The following WDR72 variants were observed in gnomAD, a reference collection of about 807,000 sequenced individuals.
WDR72 encodes WD repeat-containing protein 72.
A neutral mutation model predicts 124.2 loss-of-function variants in WDR72; 120 were observed. That is an observed-to-expected ratio of 0.97 (90% CI 0.83 to 1.12). WDR72 has a LOEUF of 1.12. Ranked by LOEUF, WDR72 falls within the 50% of genes most tolerant of loss-of-function variation. The probability of loss-of-function intolerance (pLI) is 0.00; values close to 1 mark genes in which losing one functional copy is unlikely to be tolerated. For synonymous variants in WDR72, 452 were observed against 441.7 expected, an observed-to-expected ratio of 1.02 and a Z score of -0.29; for missense variants, 1,387 against 1,278.8, an observed-to-expected ratio of 1.08 and a Z score of -1.29.
chr15:53,528,523 T>C (rs945894393), intron 18 of WDR72, among the ~76,000 whole-genome samples: 1 of 152,106 alleles, frequency 6.6e-6, no homozygotes, highest in Non-Finnish European at 1.5e-5. Flanking sequence ...GAATATTATT[T>C]TGTGGGTAGC....
At chr15:53,743,941 GCCCGGCCT>G (rs1397904657) in intron 1 of WDR72, among the ~76,000 whole-genome samples, 5 of 148,968 alleles carry the variant, frequency 3.4e-5, no homozygotes, top group Non-Finnish European at 5.9e-5. Context: ...CGCCACTGCA[GCCCGGCCT>G]GGGCGACAGA....
intron 13 of WDR72, among the ~76,000 whole-genome samples, chr15:53,668,277 T>C (rs768234309): frequency 9.2e-5 from 14 of 152,208 alleles, no homozygotes; most frequent in African/African-American, 4.8e-5. Flanking sequence ...GATTAAGGCA[T>C]ACACATGACA....
At chr15:53,528,256 C>G (rs1892236168) in intron 18 of WDR72, among the ~76,000 whole-genome samples, 1 of 152,050 alleles carries the variant, frequency 6.6e-6, no homozygotes, top group African/African-American at 2.4e-5. Flanking sequence ...TTAAGAGTAT[C>G]TATTCAGATA....
chr15:53,552,128 A>ATGTGTGTGTGTG (rs34039658), intron 18 of WDR72, among the ~76,000 whole-genome samples: 3 of 149,848 alleles, frequency 2.0e-5, no homozygotes, highest in Admixed American at 6.6e-5. Context: ...TATACCTATC[A>ATGTGTGTGTGTG]TGTGTGTGTG....
Position 53,615,915 on chromosome 15 carries a change from T to A in WDR72, c.2291A>T (p.Asp764Val), listed in dbSNP as rs752110952. The A allele has an allele frequency of 1.9e-6, 3 of 1,613,418 alleles. No homozygotes were observed. Among genetic ancestry groups the A allele is most frequent in the East Asian group, 4.5e-5 (2 of 44,876 alleles). ...CATTTTCTTCTGCCTTTTAATGCCA[T>A]CATTTTCTTCTGAGAATTTGATGGT... ...DNTIKFSEEN[D>V]GIKRQKKMKI... Residue 764 changes from aspartate to valine, a missense_variant, in exon 15 of 20, where the codon GAT becomes GTT. By Grantham distance (152) the Asp-to-Val change is radical. Coordinates refer to ENST00000360509, the MANE Select transcript of WDR72 (RefSeq NM_182758.4).
intron 17 of WDR72, among the ~76,000 whole-genome samples, chr15:53,604,461 A>G (rs770344144): frequency 1.3e-5 from 2 of 152,258 alleles, no homozygotes; most frequent in Non-Finnish European, 2.9e-5. Context: ...CAACTGCAAC[A>G]AAAGCAAACA....
chr15:53,683,986 T>A (rs2016499178), intron 13 of WDR72, among the ~76,000 whole-genome samples: 4 of 152,134 alleles, frequency 2.6e-5, no homozygotes, highest in African/African-American at 4.8e-5. Flanking sequence ...TTTCCAATAA[T>A]AATTTAACAT....
intron 1 of WDR72, among the ~76,000 whole-genome samples, chr15:53,758,765 C>T (rs1319510543): frequency 1.4e-4 from 1 of 7,000 alleles, no homozygotes; most frequent in Non-Finnish European, 3.3e-4. Context: ...TAACACAAAA[C>T]TGCGGGGGGG....
intron 18 of WDR72, among the ~76,000 whole-genome samples, chr15:53,552,351 G>T: frequency 6.6e-6 from 1 of 152,028 alleles, no homozygotes; most frequent in Admixed American, 6.6e-5. Context: ...TTCAATATAT[G>T]CAGTGTCACA....
chr15:53,538,490 G>C (rs1261060000), intron 18 of WDR72, among the ~76,000 whole-genome samples: 3 of 152,158 alleles, frequency 2.0e-5, no homozygotes, highest in Non-Finnish European at 4.4e-5. Context: ...CTAACACACA[G>C]AAATAGTGGT....
At chr15:53,714,196 T>A (rs2017638110) in intron 6 of WDR72, among the ~76,000 whole-genome samples, 1 of 151,714 alleles carries the variant, frequency 6.6e-6, no homozygotes, top group Admixed American at 6.6e-5. Flanking sequence ...TGTGTGTGTG[T>A]GTGTGTGTAA....
intron 13 of WDR72, among the ~76,000 whole-genome samples, chr15:53,674,281 T>TAA (rs2016090323): frequency 1.3e-5 from 2 of 152,100 alleles, no homozygotes; most frequent in Admixed American, 6.5e-5. Context: ...AAAAGTCAGG[T>TAA]TTCAACAAAA....
chr15:53,710,975 C>G, intron 8 of WDR72, 22 bp from the exon 9 acceptor site: 1 of 1,598,240 alleles, frequency 6.3e-7, no homozygotes, highest in Admixed American at 1.7e-5. Flanking sequence ...AAATAAAAAG[C>G]AAAGTTTAGA....
At chr15:53,645,529 T>C (rs1242064969) in intron 14 of WDR72, among the ~76,000 whole-genome samples, 2 of 152,140 alleles carry the variant, frequency 1.3e-5, no homozygotes, top group Admixed American at 6.6e-5. Flanking sequence ...TAAACCGTTA[T>C]AAAATGAAGG....
intron 16 of WDR72, among the ~76,000 whole-genome samples, chr15:53,611,573 C>A (rs1367150404): frequency 3.3e-5 from 5 of 151,932 alleles, no homozygotes; most frequent in African/African-American, 4.8e-5. Flanking sequence ...AGGAGGCAAC[C>A]CAGACTGGGG....
At chr15:53,572,383 A>T (rs1036932703) in intron 18 of WDR72, among the ~76,000 whole-genome samples, 1 of 151,202 alleles carries the variant, frequency 6.6e-6, no homozygotes, top group Non-Finnish European at 1.5e-5. Context: ...ATCCAATTTG[A>T]GTTGATTTTT....
At chr15:53,726,460 A>T (rs2018042233) in intron 2 of WDR72, among the ~76,000 whole-genome samples, 3 of 151,924 alleles carry the variant, frequency 2.0e-5, no homozygotes, top group African/African-American at 7.3e-5. Flanking sequence ...ATACTTTTTA[A>T]AAATATCTTA....
chr15:53,699,943 T>A lies in WDR72; in HGVS notation c.1572A>T (p.Leu524=). Residue 524 remains leucine, a splice_region_variant and synonymous_variant, in exon 13 of 20, where the codon CTA becomes CTT. Transcript: ENST00000360509. ...CACAGCAAATTATCTGCTCACCCCT[T>A]AGCTGTGAAAAAACAACATGCTTAT... ...SLLMSPEKFK[L]RGEQIICCVC... is the part of the protein sequence containing the mutation. 1.2e-6 allele frequency: 2 copies of A among 1,614,150 alleles called. No individual in the cohort carries two copies. Among genetic ancestry groups the A allele is most frequent in the South Asian group, 2.2e-5 (2 of 91,084 alleles).
chr15:53,524,131 G>A (rs2140213969), intron 18 of WDR72, among the ~76,000 whole-genome samples: 1 of 152,118 alleles, frequency 6.6e-6, no homozygotes, highest in South Asian at 2.1e-4. Context: ...GTCAGAAAAA[G>A]TGGGCCTTGT....
Sources: gnomAD v4.1 joint callset for allele counts (sites outside exome capture counted in the v4.1 genomes callset) on GRCh38, gnomAD v4.1.1 for gene constraint, MANE v1.5 for transcripts, NCBI Gene and HGNC (gene_info 2026-07-23, HGNC 2026-07-21) for gene names.